The following SHC4 variants were observed in gnomAD, a reference collection of about 807,000 sequenced individuals.
SHC4 encodes SHC-transforming protein 4.
Under a neutral mutation model 69.4 loss-of-function variants are expected in SHC4, and 41 were observed. That is an observed-to-expected ratio of 0.59 (90% CI 0.46 to 0.77). The LOEUF (loss-of-function observed/expected upper bound fraction) is 0.77. SHC4 is among the 30% of genes least tolerant of loss of function. SHC4 has a pLI of 0.00. For missense variants in SHC4, 777 were observed against 783.8 expected (o/e 0.99, Z 0.10); for synonymous variants, 318 against 299.3 (o/e 1.06, Z -0.64).
chr15:48,944,754 C>A lies in SHC4; in HGVS notation c.585+17677G>T, dbSNP rs117091403. 1.0e-3 allele frequency among the ~76,000 whole-genome samples: 157 copies of A among 152,264 alleles called. 1 individual carries two copies. In the East Asian group the frequency reaches 0.03, roughly 29 times the overall value. ...CTGAGGAGTCAGGGTTCCTCTGCAG[C>A]CCCCTTCCTACCAAAAAAGATCTCT... On this transcript the variant is annotated intron_variant, in intron 1 of 11. Coordinates refer to ENST00000332408, the MANE Select transcript of SHC4 (RefSeq NM_203349.4).
intron 9 of SHC4, 108 bp downstream of exon 9, chr15:48,851,080 G>A: frequency 1.0e-6 from 1 of 1,001,874 alleles, no homozygotes; most frequent in Non-Finnish European, 1.5e-6. Context: ...GTGTTTAGTG[G>A]TAGATACCTG....
At position 48,963,302 on chromosome 15, in the gene SHC4, C is replaced by A. The variant is rs1411836156; in HGVS notation, c.-287G>T. 2 of 360,226 alleles carry A rather than the reference C, an allele frequency of 5.6e-6. No individual in the cohort carries two copies. The highest frequency in any genetic ancestry group is 1.0e-5 in the Non-Finnish European group (2 of 199,414). 22.3% of individuals were successfully genotyped at this position (360,226 alleles called of 1,614,324 possible). A position where few individuals can be genotyped will look rare whatever the true frequency, so the allele number is the denominator to read the frequency against. Reference sequence around the variant, plus strand: ...GGAGAGCCTAGACCCAGGCTCCCGGCGGCGCGGGTCGCTCACGGCCAACTC... The same window carrying A: ...GGAGAGCCTAGACCCAGGCTCCCGGAGGCGCGGGTCGCTCACGGCCAACTC... On this transcript the variant is annotated 5_prime_UTR_variant, in exon 1 of 12. Transcript: ENST00000332408.
chr15:48,907,576 CG>C (rs1900428715), intron 2 of SHC4, among the ~76,000 whole-genome samples: 3 of 152,082 alleles, frequency 2.0e-5, no homozygotes, highest in Middle Eastern at 6.8e-3. Context: ...CCCTTCCCCC[CG>C]ATTCCCCAAA....
At chr15:48,852,177 A>G (rs1371919325) in intron 8 of SHC4, among the ~76,000 whole-genome samples, 2 of 152,204 alleles carry the variant, frequency 1.3e-5, no homozygotes, top group African/African-American at 4.8e-5. Flanking sequence ...AGAGCCAAAG[A>G]CAGAGAAGGT....
chr15:48,851,020 C>T (rs1190940997), intron 9 of SHC4, among the ~76,000 whole-genome samples, 168 bp downstream of exon 9: 1 of 152,166 alleles, frequency 6.6e-6, no homozygotes, highest in Non-Finnish European at 1.5e-5. Flanking sequence ...CCTAGTGACA[C>T]ATATGCAACA....
At chr15:48,916,273 TCACACACA>T (rs71120648) in intron 2 of SHC4, among the ~76,000 whole-genome samples, 36,564 of 142,370 alleles carry the variant, frequency 0.26, 4,817 homozygotes, top group East Asian at 0.39. Flanking sequence ...TGATGGTTGC[TCACACACA>T]CACACACACA....
chr15:48,855,511 T>G (rs1899295180), intron 8 of SHC4, among the ~76,000 whole-genome samples: 1 of 152,146 alleles, frequency 6.6e-6, no homozygotes, highest in South Asian at 2.1e-4. Flanking sequence ...CCAAGTTTTT[T>G]GCAGGCAGAA....
Position 48,844,915 on chromosome 15 carries a change from C to T in SHC4, c.1304-1327G>A, listed in dbSNP as rs189410270. Among the ~76,000 whole-genome samples the T allele has an allele frequency of 1.8e-3, 271 of 152,332 alleles. 1 individual carries two copies. Among genetic ancestry groups the T allele is most frequent in the African/African-American group, 6.3e-3 (261 of 41,574 alleles). ...AATGTGAGTCCATTAAACCTCTTTC[C>T]TTTACAAATTACCCAGTCTTGGGTA... On this transcript the variant is annotated intron_variant, in intron 9 of 11. Transcript: ENST00000332408.
intron 10 of SHC4, among the ~76,000 whole-genome samples, chr15:48,840,281 G>A (rs1898967766): frequency 6.6e-6 from 1 of 152,202 alleles, no homozygotes; most frequent in Non-Finnish European, 1.5e-5. Flanking sequence ...AACTGAGACA[G>A]AAACTAACAA....
chr15:48,949,377 A>C (rs1374586370), intron 1 of SHC4, among the ~76,000 whole-genome samples: 1 of 151,996 alleles, frequency 6.6e-6, no homozygotes, highest in Non-Finnish European at 1.5e-5. Flanking sequence ...TCTCAAAAAA[A>C]AAAAAAAAAA....
intron 1 of SHC4, among the ~76,000 whole-genome samples, chr15:48,961,215 C>T (rs191847094): frequency 1.3e-5 from 2 of 152,304 alleles, no homozygotes; most frequent in South Asian, 4.1e-4. Context: ...AATCAACCAA[C>T]TGGTCTTTTA....
At position 48,851,177 on chromosome 15, in the gene SHC4, A is replaced by T; in HGVS notation, c.1303+11T>A. 1 of 1,613,704 alleles carries T rather than the reference A, an allele frequency of 6.2e-7. No individual in the cohort carries two copies. Among genetic ancestry groups the T allele is most frequent in the Non-Finnish European group, 8.5e-7 (1 of 1,179,732 alleles). On this transcript the variant is annotated intron_variant, in intron 9 of 11. Coordinates refer to ENST00000332408, the MANE Select transcript of SHC4 (RefSeq NM_203349.4). ...AGGAGGGTGGCAGATGGAGAAGGGC[A>T]TTGTACCTACCTATTGCCCTGCTTT...
At chr15:48,845,267 T>C (rs1226684404) in intron 9 of SHC4, among the ~76,000 whole-genome samples, 2 of 152,146 alleles carry the variant, frequency 1.3e-5, no homozygotes, top group Non-Finnish European at 2.9e-5. Flanking sequence ...TAAGAATACA[T>C]CAAGCAGGAG....
chr15:48,925,205 G>GGC (rs1429076330), intron 1 of SHC4, among the ~76,000 whole-genome samples: 6 of 152,214 alleles, frequency 3.9e-5, no homozygotes, highest in African/African-American at 1.2e-4. Context: ...GGGTTCAGTG[G>GGC]TTAAGATCAT....
chr15:48,872,942 A>C (rs747586859), intron 4 of SHC4, among the ~76,000 whole-genome samples: 1 of 152,218 alleles, frequency 6.6e-6, no homozygotes, highest in Non-Finnish European at 1.5e-5. Flanking sequence ...CTGCTTTCAA[A>C]ATTGTGTGAC....
intron 1 of SHC4, among the ~76,000 whole-genome samples, chr15:48,927,581 C>T (rs149381961): frequency 1.1e-4 from 16 of 152,276 alleles, no homozygotes; most frequent in African/African-American, 3.9e-4. Flanking sequence ...AAAACAATCT[C>T]GTTACTATAA....
intron 4 of SHC4, chr15:48,876,412 T>C: frequency 2.7e-6 from 1 of 374,818 alleles, no homozygotes; most frequent in East Asian, 3.8e-5. Flanking sequence ...GTCATGGTTC[T>C]CTAGAAGCAC....
intron 1 of SHC4, among the ~76,000 whole-genome samples, chr15:48,948,361 A>G (rs1443662178): frequency 6.6e-6 from 1 of 152,278 alleles, no homozygotes; most frequent in South Asian, 2.1e-4. Flanking sequence ...ATTGTGAGAC[A>G]TACCAACAAA....
chr15:48,920,163 T>A (rs1419672693), intron 2 of SHC4, among the ~76,000 whole-genome samples: 1 of 150,944 alleles, frequency 6.6e-6, no homozygotes, highest in African/African-American at 2.4e-5. Context: ...TACAGGCACC[T>A]GCCACCACGC....
Sources: gnomAD v4.1 joint callset for allele counts (sites outside exome capture counted in the v4.1 genomes callset) on GRCh38, gnomAD v4.1.1 for gene constraint, MANE v1.5 for transcripts, NCBI Gene and HGNC (gene_info 2026-07-23, HGNC 2026-07-21) for gene names.